Variants in CFAP44 observed in about 807,000 individuals in gnomAD.
The protein encoded by CFAP44 is cilia and flagella associated protein 44, also known as cilia- and flagella-associated protein 44.
Under a neutral mutation model 216.2 loss-of-function variants are expected in CFAP44, and 134 were observed. The observed-to-expected ratio is 0.62, with a 90% confidence interval of 0.54 to 0.72. The LOEUF (loss-of-function observed/expected upper bound fraction) is 0.72, where lower values mean the gene tolerates loss of function less well. Among genes scored for constraint, CFAP44 ranks in the 30% least tolerant of loss-of-function variants. CFAP44 has a pLI of 0.00. For synonymous variants in CFAP44, 700 were observed against 727.6 expected (o/e 0.96, Z 0.61); for missense variants, 2,035 against 2,182.1 (o/e 0.93, Z 1.34).
At chr3:113,427,820 A>G (rs1240736027) in intron 2 of CFAP44, among the ~76,000 whole-genome samples, 6 of 152,086 alleles carry the variant, frequency 3.9e-5, no homozygotes, top group African/African-American at 1.4e-4. Flanking sequence ...GGCCCCAGGT[A>G]TAAGCCAACA....
intron 5 of CFAP44, among the ~76,000 whole-genome samples, chr3:113,419,664 C>A (rs999912934): frequency 6.6e-6 from 1 of 152,132 alleles, no homozygotes; most frequent in East Asian, 1.9e-4. Flanking sequence ...GGCCATGTGC[C>A]TGCTTCAGTC....
At chr3:113,422,023 A>C (rs1934829885) in intron 4 of CFAP44, among the ~76,000 whole-genome samples, 1 of 152,186 alleles carries the variant, frequency 6.6e-6, no homozygotes, top group Non-Finnish European at 1.5e-5. Context: ...ATAAAAATCT[A>C]AGTTATATAA....
intron 15 of CFAP44, among the ~76,000 whole-genome samples, chr3:113,386,742 A>T (rs1933662487): frequency 1.3e-5 from 2 of 152,230 alleles, no homozygotes; most frequent in Non-Finnish European, 2.9e-5. Flanking sequence ...AGAATCAAAA[A>T]TCAGGTGAGT....
intron 24 of CFAP44, among the ~76,000 whole-genome samples, chr3:113,338,339 T>C (rs1377022370): frequency 6.7e-6 from 1 of 148,308 alleles, no homozygotes; most frequent in African/African-American, 2.5e-5. Flanking sequence ...CAGAAAATAT[T>C]TGTAAACTAT....
At chr3:113,317,179 T>C (rs1051721599) in intron 28 of CFAP44, among the ~76,000 whole-genome samples, 1 of 152,192 alleles carries the variant, frequency 6.6e-6, no homozygotes, top group Non-Finnish European at 1.5e-5. Flanking sequence ...ATCCTGGCTA[T>C]AGGGGACCCC....
chr3:113,359,092 A>G (rs943186785), intron 21 of CFAP44, among the ~76,000 whole-genome samples: 3 of 152,218 alleles, frequency 2.0e-5, no homozygotes, highest in African/African-American at 7.2e-5. Context: ...AAAGCTACAC[A>G]GTTTAAGATT....
chr3:113,358,749 T>C lies in CFAP44; in HGVS notation c.3061A>G (p.Asn1021Asp), dbSNP rs1220656674. ...TGTAGAGAATATGGATCCTACCGAT[T>C]CTTTAGCTTCATTAGGCCGAGTTCA... ...KHELGLMKLKNRFRDPLESDT... is the reference protein window; with the variant it reads ...KHELGLMKLKDRFRDPLESDT... The change falls in exon 22 of 35, where the codon AAT becomes GAT. Residue 1021 changes from asparagine (N) to aspartate (D), a missense_variant. Coordinates refer to ENST00000393845, the MANE Select transcript of CFAP44 (RefSeq NM_001164496.2). 1.3e-6 allele frequency: 2 copies of C among 1,536,430 alleles called. No homozygotes were observed. Among genetic ancestry groups the C allele is most frequent in the East Asian group, 2.4e-5 (1 of 40,888 alleles).
intron 6 of CFAP44, among the ~76,000 whole-genome samples, chr3:113,414,574 T>C (rs1210004412): frequency 2.0e-5 from 3 of 152,168 alleles, no homozygotes; most frequent in Non-Finnish European, 4.4e-5. Context: ...AATGAAGGGA[T>C]GTTAAATTTT....
chr3:113,438,538 ATATG>A (rs1307968146), intron 1 of CFAP44, among the ~76,000 whole-genome samples: 1 of 152,244 alleles, frequency 6.6e-6, no homozygotes, highest in East Asian at 1.9e-4. Flanking sequence ...ATGGCAGTCA[ATATG>A]TAAAATGGTT....
At chr3:113,424,801 T>C (rs1934916968) in intron 4 of CFAP44, among the ~76,000 whole-genome samples, 1 of 152,238 alleles carries the variant, frequency 6.6e-6, no homozygotes, top group Non-Finnish European at 1.5e-5. Context: ...TATATTGGAA[T>C]AAAAGTTAAG....
At chr3:113,302,873 C>T (rs1949952262) in intron 32 of CFAP44, among the ~76,000 whole-genome samples, 1 of 150,116 alleles carries the variant, frequency 6.7e-6, no homozygotes, top group African/African-American at 2.5e-5. Flanking sequence ...ATATTAAGAA[C>T]TCCCTAAAAT....
chr3:113,399,817 G>C, intron 13 of CFAP44, 89 bp downstream of exon 13: 1 of 843,164 alleles, frequency 1.2e-6, no homozygotes, highest in Non-Finnish European at 1.7e-6. Flanking sequence ...AAAATTTTGA[G>C]TCAGCAAATA....
At position 113,344,819 on chromosome 3, in the gene CFAP44, T is replaced by C. The variant is rs1950365895; in HGVS notation, c.3066-107A>G. ...ATACACTATTCTTATTATATCATTA[T>C]ATTGTGCTAGACTCAAATTTTAACA... is the stretch of plus-strand genomic sequence containing the variant. On this transcript the variant is annotated intron_variant, in intron 22 of 34. Coordinates refer to ENST00000393845, the MANE Select transcript of CFAP44 (RefSeq NM_001164496.2). 3 of 1,086,688 alleles carry C rather than the reference T, an allele frequency of 2.8e-6. No homozygotes were observed. The South Asian group carries it at 5.9e-5, about 22-fold the overall frequency. 67.3% of individuals were successfully genotyped at this position (1,086,688 alleles called of 1,614,324 possible).
chr3:113,441,424 A>G, intron 1 of CFAP44, 29 bp downstream of exon 1: 1 of 985,820 alleles, frequency 1.0e-6, no homozygotes, highest in South Asian at 4.7e-5. Flanking sequence ...AGGGTGTGGA[A>G]ACTGCCGGCT....
At chr3:113,294,330 A>C in intron 34 of CFAP44, 1 of 310,482 alleles carries the variant, frequency 3.2e-6, no homozygotes, top group Non-Finnish European at 6.2e-6. Flanking sequence ...TGCCCACTTC[A>C]AGTCAAATGA....
intron 8 of CFAP44, among the ~76,000 whole-genome samples, chr3:113,406,070 T>A (rs907064449): frequency 6.6e-6 from 1 of 152,226 alleles, no homozygotes. Context: ...ATGTAAAATA[T>A]TGATAGAGAA....
At chr3:113,362,410 G>A (rs1370391299) in intron 21 of CFAP44, among the ~76,000 whole-genome samples, 1 of 152,092 alleles carries the variant, frequency 6.6e-6, no homozygotes, top group South Asian at 2.1e-4. Context: ...GTGGAGGGGA[G>A]GAAGGGGCCA....
intron 9 of CFAP44, among the ~76,000 whole-genome samples, chr3:113,403,226 T>A (rs569698226): frequency 6.6e-6 from 1 of 152,162 alleles, no homozygotes; most frequent in East Asian, 1.9e-4. Context: ...AGGCTACAGG[T>A]TGACCAGCCA....
chr3:113,335,091 G>A (rs1950271344), intron 24 of CFAP44, among the ~76,000 whole-genome samples: 2 of 152,040 alleles, frequency 1.3e-5, no homozygotes, highest in Admixed American at 6.6e-5. Context: ...AAAAAGGGAG[G>A]GAAGGGAAGA....
Sources: allele counts gnomAD v4.1 joint callset (sites outside exome capture counted in the v4.1 genomes callset), GRCh38; gene constraint gnomAD v4.1.1; transcripts MANE v1.5; gene names NCBI Gene and HGNC (gene_info 2026-07-23, HGNC 2026-07-21).